VAV1: variants seen among roughly 807,000 people sequenced by gnomAD.
The protein encoded by VAV1 is vav guanine nucleotide exchange factor 1, also known as proto-oncogene vav.
A neutral mutation model predicts 128.1 loss-of-function variants in VAV1; 33 were observed. That is an observed-to-expected ratio of 0.26 (90% confidence interval 0.20 to 0.34). VAV1 has a LOEUF of 0.34. VAV1 is among the 10% of genes least tolerant of loss of function. The probability of loss-of-function intolerance (pLI) is 1.00; values close to 1 mark genes in which losing one functional copy is unlikely to be tolerated. For missense variants in VAV1, 715 were observed against 1,093.7 expected (o/e 0.65, Z 4.88); for synonymous variants, 394 against 409.8 (o/e 0.96, Z 0.47).
intron 15 of VAV1, among the ~76,000 whole-genome samples, 161 bp downstream of exon 15, chr19:6,832,361 C>T (rs1031943214): frequency 2.0e-5 from 3 of 152,138 alleles, no homozygotes; most frequent in African/African-American, 7.2e-5. Context: ...AGGCTGTCTT[C>T]ATCCTTGGAA....
chr19:6,793,704 A>G (rs1016664894), intron 1 of VAV1, among the ~76,000 whole-genome samples: 1 of 152,198 alleles, frequency 6.6e-6, no homozygotes, highest in Non-Finnish European at 1.5e-5. Context: ...CAAATAATGT[A>G]GAACTCAGGA....
At chr19:6,804,548 C>T (rs1252054210) in intron 1 of VAV1, among the ~76,000 whole-genome samples, 1 of 151,760 alleles carries the variant, frequency 6.6e-6, no homozygotes, top group Admixed American at 6.6e-5. Flanking sequence ...TTCTGAGTAG[C>T]TGGGATTACA....
intron 9 of VAV1, 151 bp from the exon 10 acceptor site, chr19:6,827,925 G>A (rs1971958236): frequency 3.2e-6 from 2 of 634,810 alleles, no homozygotes; most frequent in South Asian, 1.9e-5. Context: ...TTTCCTTGGG[G>A]GCAGATATGA....
intron 21 of VAV1, among the ~76,000 whole-genome samples, chr19:6,841,468 T>C (rs1277791042): frequency 1.5e-5 from 2 of 130,370 alleles, no homozygotes; most frequent in Admixed American, 9.4e-5. Context: ...CACCATACTA[T>C]TTTTCTTTTC....
intron 22 of VAV1, among the ~76,000 whole-genome samples, chr19:6,844,063 C>CTTCTTTTTTTTTTTTTTTTTTTTTT (rs1972451348): frequency 4.7e-5 from 1 of 21,280 alleles, no homozygotes; most frequent in African/African-American, 1.2e-4. Flanking sequence ...TCTTCTTCTT[C>CTTCTTTTTTTTTTTTTTTTTTTTTT]TTTTTTTTTT....
intron 1 of VAV1, among the ~76,000 whole-genome samples, chr19:6,805,880 A>G (rs1375083136): frequency 6.6e-6 from 1 of 152,022 alleles, no homozygotes; most frequent in Non-Finnish European, 1.5e-5. Flanking sequence ...ATCAGCCTGG[A>G]GTCTCTGGAC....
At chr19:6,829,039 G>A (rs1041373545) in intron 13 of VAV1, 139 bp downstream of exon 13, 3 of 971,716 alleles carry the variant, frequency 3.1e-6, no homozygotes, top group African/African-American at 3.3e-5. Context: ...TAGATGGACA[G>A]GTGGGTGGAG....
intron 1 of VAV1, chr19:6,784,281 GA>G: frequency 3.7e-6 from 2 of 543,354 alleles, no homozygotes; most frequent in South Asian, 2.7e-5. Context: ...CAGGTCTGTG[GA>G]AATCTCAATG....
intron 21 of VAV1, among the ~76,000 whole-genome samples, chr19:6,839,366 C>T (rs551670543): frequency 2.6e-5 from 4 of 151,722 alleles, no homozygotes; most frequent in Non-Finnish European, 4.4e-5. Flanking sequence ...TAAAACTGAC[C>T]GTTACAATGA....
At chr19:6,830,090 C>T (rs542254800) in intron 14 of VAV1, among the ~76,000 whole-genome samples, 172 bp downstream of exon 14, 5 of 152,284 alleles carry the variant, frequency 3.3e-5, no homozygotes, top group Admixed American at 2.6e-4. Flanking sequence ...GATGGAGTCT[C>T]GCTCTGTCGC....
At position 6,828,207 on chromosome 19, in the gene VAV1, C is replaced by T. The variant is rs774921585; in HGVS notation, c.1023+36C>T. 5.6e-6 allele frequency: 9 copies of T among 1,608,838 alleles called. No homozygotes were observed. Among genetic ancestry groups the T allele is most frequent in the Admixed American group, 3.3e-5 (2 of 59,876 alleles). ...CATCTCTAGGCGTGGGCTCCACGTA[C>T]CTACTCTCCTGTGTCTATAAAAGTG... On this transcript the variant is annotated intron_variant, in intron 10 of 26. Coordinates refer to ENST00000602142, the MANE Select transcript of VAV1 (RefSeq NM_005428.4). This position sits in a 1 kb window ranked among gnomAD's most constrained non-coding sequence, Gnocchi z 4.5.
At chr19:6,830,053 G>T in intron 14 of VAV1, 135 bp downstream of exon 14, 10 of 1,394,188 alleles carry the variant, frequency 7.2e-6, no homozygotes, top group Non-Finnish European at 8.7e-6. Flanking sequence ...GGTGTTTTTT[G>T]TTTGTTTGTT....
At chr19:6,817,612 C>T (rs988160486) in intron 1 of VAV1, among the ~76,000 whole-genome samples, 1 of 152,136 alleles carries the variant, frequency 6.6e-6, no homozygotes, top group East Asian at 1.9e-4. Context: ...ATAAACACAA[C>T]AAGAGAAGCA....
At chr19:6,824,894 A>G (rs775625377) in intron 6 of VAV1, among the ~76,000 whole-genome samples, 159 bp from the exon 7 acceptor site, 1 of 152,146 alleles carries the variant, frequency 6.6e-6, no homozygotes, top group Non-Finnish European at 1.5e-5. Context: ...CTTTTGGGTT[A>G]TTATGAATAA....
At chr19:6,793,771 G>A (rs1392967489) in intron 1 of VAV1, among the ~76,000 whole-genome samples, 2 of 152,062 alleles carry the variant, frequency 1.3e-5, no homozygotes, top group East Asian at 3.8e-4. Flanking sequence ...CATCCAAGAT[G>A]GGGCCACTTT....
At position 6,828,636 on chromosome 19, in the gene VAV1, C is replaced by T. The variant is rs1971977552; in HGVS notation, c.1107C>T (p.Cys369=). The T allele has an allele frequency of 1.2e-6, 2 of 1,614,060 alleles. No individual in the cohort carries two copies. Among genetic ancestry groups the T allele is most frequent in the Non-Finnish European group, 1.7e-6 (2 of 1,179,986 alleles). The change falls in exon 12 of 27, where the codon TGC becomes TGT. Residue 369 remains cysteine, a synonymous_variant. Transcript: ENST00000602142. This position sits in a 1 kb window ranked among gnomAD's most constrained non-coding sequence, Gnocchi z 4.5. The part of the protein sequence containing the change: ...ALDAMRDLAQ[C]VNEVKRDNET... ...CCCCTCCCCAGGACCTGGCTCAGTG[C>T]GTGAACGAGGTCAAGCGAGACAACG...
intron 23 of VAV1, among the ~76,000 whole-genome samples, chr19:6,850,356 C>T (rs945063129): frequency 6.8e-6 from 1 of 148,118 alleles, no homozygotes; most frequent in Non-Finnish European, 1.5e-5. Flanking sequence ...CCTTTATATC[C>T]TATGGTTGTC....
At position 6,822,340 on chromosome 19, in the gene VAV1, TG is replaced by T; in HGVS notation, c.558+13del. 7.4e-7 allele frequency: 1 copy of T among 1,348,188 alleles called. No homozygotes were observed. Among genetic ancestry groups the T allele is most frequent in the Non-Finnish European group, 1.0e-6 (1 of 1,004,624 alleles). The allele number at this position is 1,348,188 out of a possible 1,614,324, so 83.5% of individuals were successfully genotyped here. A position where few individuals can be genotyped will look rare whatever the true frequency, so the allele number is the denominator to read the frequency against. On this transcript the variant is annotated intron_variant, in intron 5 of 26. Transcript: ENST00000602142. This position sits in a 1 kb window ranked among gnomAD's most constrained non-coding sequence, Gnocchi z 5.9. ...CCCGTGTCCATGCCGGTGCGTGACGTGGAGGGTCGGGCCTGGGGAGGGCGTG... is the reference window on the plus strand; with the variant it reads ...CCCGTGTCCATGCCGGTGCGTGACGTGAGGGTCGGGCCTGGGGAGGGCGTG...
At position 6,825,412 on chromosome 19, in the gene VAV1, A is replaced by C. The variant is rs757738282; in HGVS notation, c.827+6A>C. 2 of 1,609,628 alleles carry C rather than the reference A, an allele frequency of 1.2e-6. No individual in the cohort carries two copies. Among genetic ancestry groups the C allele is most frequent in the Non-Finnish European group, 1.7e-6 (2 of 1,176,714 alleles). On this transcript the variant is annotated splice_donor_region_variant and intron_variant, in intron 8 of 26. Transcript: ENST00000602142. ...TTCATCAAATACAAGGAGAGGTGAG[A>C]CCCAGCTGGCCAGACTGAAGCTCTG...
Sources: allele counts gnomAD v4.1 joint callset (sites outside exome capture counted in the v4.1 genomes callset), GRCh38; gene constraint gnomAD v4.1.1; non-coding constraint Gnocchi (gnomAD v3.1); transcripts MANE v1.5; gene names NCBI Gene and HGNC (gene_info 2026-07-23, HGNC 2026-07-21).